Variants in DDAH1 observed in about 807,000 individuals in gnomAD.
DDAH1 encodes the protein N(G),N(G)-dimethylarginine dimethylaminohydrolase 1.
A neutral mutation model predicts 28.8 loss-of-function variants in DDAH1; 19 were observed. That is an observed-to-expected ratio of 0.66 (90% CI 0.46 to 0.97). DDAH1 has a LOEUF of 0.97. DDAH1 is among the 50% of genes least tolerant of loss of function. The probability of loss-of-function intolerance (pLI) is 0.00; values close to 1 mark genes in which losing one functional copy is unlikely to be tolerated. For synonymous variants in DDAH1, 153 were observed against 154.4 expected, an observed-to-expected ratio of 0.99 and a Z score of 0.07; for missense variants, 326 against 375.9, an observed-to-expected ratio of 0.87 and a Z score of 1.10.
chr1:85,506,431 AC>A (rs1300251705), intron 1 of DDAH1, among the ~76,000 whole-genome samples: 3 of 152,318 alleles, frequency 2.0e-5, no homozygotes, highest in Non-Finnish European at 4.4e-5. Flanking sequence ...GTATTAGTAT[AC>A]AAATCTTTAT....
At chr1:85,400,897 T>A (rs1226642592) in intron 1 of DDAH1, among the ~76,000 whole-genome samples, 1 of 152,224 alleles carries the variant, frequency 6.6e-6, no homozygotes, top group African/African-American at 2.4e-5. Flanking sequence ...GTTCTACCTT[T>A]ATTATATATA....
intron 1 of DDAH1, among the ~76,000 whole-genome samples, chr1:85,404,158 T>TATTA (rs1652291085): frequency 6.6e-6 from 1 of 152,226 alleles, no homozygotes; most frequent in African/African-American, 2.4e-5. Context: ...AAGAACTACA[T>TATTA]ATTATATTTC....
intron 1 of DDAH1, among the ~76,000 whole-genome samples, chr1:85,456,635 C>A (rs1051952448): frequency 6.6e-6 from 1 of 152,194 alleles, no homozygotes. Context: ...CTACAACGTG[C>A]GGTAGGTTAC....
At chr1:85,486,628 A>G (rs1333730072) in intron 2 of DDAH1, among the ~76,000 whole-genome samples, 1 of 152,224 alleles carries the variant, frequency 6.6e-6, no homozygotes, top group Admixed American at 6.5e-5. Context: ...TGAATATGCT[A>G]TGGCCCCTGA....
chr1:85,364,788 C>G (rs184283461), intron 1 of DDAH1, among the ~76,000 whole-genome samples: 2 of 152,252 alleles, frequency 1.3e-5, no homozygotes, highest in Admixed American at 1.3e-4. Context: ...AGGTGTTCCG[C>G]CTGTCTCAGC....
intron 1 of DDAH1, among the ~76,000 whole-genome samples, chr1:85,576,335 G>A (rs920087305): frequency 6.6e-6 from 1 of 152,186 alleles, no homozygotes; most frequent in Non-Finnish European, 1.5e-5. Context: ...GCAAGGTCCC[G>A]AGAGGATGAG....
At chr1:85,328,212 CAG>C (rs1491356147) in intron 4 of DDAH1, among the ~76,000 whole-genome samples, 1 of 152,170 alleles carries the variant, frequency 6.6e-6, no homozygotes. Flanking sequence ...AGTAAGACAA[CAG>C]GGGGTTGGAT....
intron 2 of DDAH1, among the ~76,000 whole-genome samples, chr1:85,357,740 T>C (rs1386199522): frequency 6.6e-6 from 1 of 152,208 alleles, no homozygotes; most frequent in South Asian, 2.1e-4. Flanking sequence ...TCACTATAAA[T>C]TAAAATTACT....
chr1:85,540,220 T>A (rs917404634), intron 1 of DDAH1, among the ~76,000 whole-genome samples: 59 of 152,300 alleles, frequency 3.9e-4, no homozygotes, highest in African/African-American at 1.0e-3. Flanking sequence ...ATATACTATA[T>A]TCCCTTTTCC....
intron 1 of DDAH1, among the ~76,000 whole-genome samples, chr1:85,458,447 T>TA (rs1654995966): frequency 4.0e-5 from 5 of 125,604 alleles, no homozygotes; most frequent in Admixed American, 3.1e-4. Context: ...TTTTTTTTTT[T>TA]TAGACAGAGT....
Position 85,423,949 on chromosome 1 carries a change from T to C in DDAH1, c.303+40794A>G, listed in dbSNP as rs1433876148. The stretch of plus-strand genomic sequence containing the variant: ...TGAACGGGTGTTAGATTCTGTCAAA[T>C]GTTTTTTTCTCTACACATTAATATC... On this transcript the variant is annotated intron_variant, in intron 1 of 5. Transcript: ENST00000284031. 2.6e-5 allele frequency among the ~76,000 whole-genome samples: 4 copies of C among 152,306 alleles called. No homozygotes were observed. The East Asian group carries it at 7.7e-4, about 29-fold the overall frequency.
At chr1:85,475,340 G>A (rs975889025) in intron 2 of DDAH1, among the ~76,000 whole-genome samples, 1 of 152,182 alleles carries the variant, frequency 6.6e-6, no homozygotes, top group African/African-American at 2.4e-5. Context: ...AGGGGGAGGA[G>A]GAGGGAAAAA....
At chr1:85,374,035 G>C (rs1650526138) in intron 1 of DDAH1, among the ~76,000 whole-genome samples, 1 of 152,096 alleles carries the variant, frequency 6.6e-6, no homozygotes, top group Non-Finnish European at 1.5e-5. Flanking sequence ...TGCTCATTCT[G>C]GTTCACAAGG....
intron 1 of DDAH1, among the ~76,000 whole-genome samples, chr1:85,428,032 C>T (rs995414241): frequency 6.6e-6 from 1 of 152,186 alleles, no homozygotes; most frequent in Non-Finnish European, 1.5e-5. Context: ...GAAGAGGAAG[C>T]TGTGGTGTTA....
intron 1 of DDAH1, among the ~76,000 whole-genome samples, chr1:85,566,961 G>A (rs992456271): frequency 9.2e-5 from 14 of 152,200 alleles, no homozygotes; most frequent in Admixed American, 1.3e-4. Flanking sequence ...TGAAACCTAT[G>A]AAGAATCAAT....
chr1:85,390,073 G>A (rs889123857), intron 1 of DDAH1, among the ~76,000 whole-genome samples: 1 of 152,150 alleles, frequency 6.6e-6, no homozygotes, highest in Non-Finnish European at 1.5e-5. Flanking sequence ...GAAATATGTG[G>A]TCGCATATCT....
Position 85,373,695 on chromosome 1 carries a change from G to A in DDAH1, c.304-14848C>T, listed in dbSNP as rs532211622. Among the ~76,000 whole-genome samples, 9 of 152,192 alleles carry A rather than the reference G, an allele frequency of 5.9e-5. No individual in the cohort carries two copies. In the East Asian group the frequency reaches 1.7e-3, roughly 29 times the overall value. On this transcript the variant is annotated intron_variant, in intron 1 of 5. Transcript: ENST00000284031. ...TGTATAAATTACCCAGTCTTGGGTA[G>A]TATCTTTATAGCAGTGTGAAAATAG...
chr1:85,398,979 GTACT>G, intron 1 of DDAH1: 1 of 152,290 alleles, frequency 6.6e-6, no homozygotes, highest in African/African-American at 2.4e-5. Context: ...TATAGAGTTA[GTACT>G]GTCTGTTTTA....
At chr1:85,408,353 T>A (rs1381629932) in intron 1 of DDAH1, among the ~76,000 whole-genome samples, 1 of 151,998 alleles carries the variant, frequency 6.6e-6, no homozygotes, top group Non-Finnish European at 1.5e-5. Context: ...AATTCTCTGC[T>A]CCACCCCAGA....
Sources: allele counts gnomAD v4.1 joint callset (sites outside exome capture counted in the v4.1 genomes callset), GRCh38; gene constraint gnomAD v4.1.1; transcripts MANE v1.5; gene names NCBI Gene and HGNC (gene_info 2026-07-23, HGNC 2026-07-21).